MAPK6: variants seen among roughly 807,000 people sequenced by gnomAD.
MAPK6 encodes ERK-3.
Under a neutral mutation model 59.3 loss-of-function variants are expected in MAPK6, and 19 were observed. The observed-to-expected ratio is 0.32, with a 90% CI of 0.22 to 0.47. The LOEUF is 0.47. Ranked by LOEUF, MAPK6 falls within the 20% of genes least tolerant of loss-of-function variation. MAPK6 has a pLI of 1.00. For synonymous variants in MAPK6, 316 were observed against 290.3 expected (o/e 1.09, Z -0.90); for missense variants, 724 against 847.9 (o/e 0.85, Z 1.81).
At chr15:52,057,832 T>TC (rs2032042683) in intron 3 of MAPK6, among the ~76,000 whole-genome samples, 1 of 152,224 alleles carries the variant, frequency 6.6e-6, no homozygotes, top group African/African-American at 2.4e-5. Context: ...TAGCTTACTC[T>TC]CTTTTTCTTT....
At chr15:52,054,549 A>G (rs1319766769) in intron 3 of MAPK6, among the ~76,000 whole-genome samples, 12 of 152,180 alleles carry the variant, frequency 7.9e-5, no homozygotes, top group Non-Finnish European at 2.9e-5. Context: ...CAAAAGTTAC[A>G]TACTGTCAAC....
chr15:51,979,629 C>T (rs906602344), intron 1 of MAPK6, among the ~76,000 whole-genome samples: 19 of 151,480 alleles, frequency 1.3e-4, no homozygotes, highest in African/African-American at 1.9e-4. Flanking sequence ...CCCATCACTA[C>T]GAAAAATACT....
intron 2 of MAPK6, among the ~76,000 whole-genome samples, chr15:51,988,411 C>T (rs1375719015): frequency 6.6e-6 from 1 of 151,986 alleles, no homozygotes; most frequent in Non-Finnish European, 1.5e-5. Context: ...GCCACCATAA[C>T]AAATTACTGC....
intron 1 of MAPK6, among the ~76,000 whole-genome samples, chr15:52,025,468 T>C (rs1337983648): frequency 1.3e-5 from 2 of 152,194 alleles, no homozygotes; most frequent in Non-Finnish European, 2.9e-5. Context: ...GAGCAAGTAG[T>C]GCACTTGAGG....
intron 3 of MAPK6, among the ~76,000 whole-genome samples, chr15:52,008,909 T>C (rs2029980654): frequency 6.6e-6 from 1 of 152,146 alleles, no homozygotes; most frequent in Admixed American, 6.5e-5. Flanking sequence ...CTGGGGATGA[T>C]GACATCTTCT....
chr15:52,016,066 GC>G (rs1311049481), upstream of MAPK6, among the ~76,000 whole-genome samples: 1 of 44,338 alleles, frequency 2.3e-5, no homozygotes, highest in Non-Finnish European at 4.8e-5. Flanking sequence ...GCGCGCGCGC[GC>G]GCGCACACAC....
chr15:52,034,851 C>G (rs1040234708), intron 1 of MAPK6, among the ~76,000 whole-genome samples: 1 of 151,246 alleles, frequency 6.6e-6, no homozygotes, highest in Non-Finnish European at 1.5e-5. Flanking sequence ...GTGTGCACCA[C>G]CACGCCCGGC....
At chr15:52,027,656 T>G (rs2030855085) in intron 1 of MAPK6, 2 of 150,772 alleles carry the variant, frequency 1.3e-5, no homozygotes, top group South Asian at 4.2e-4. Flanking sequence ...CTCCCTGTGT[T>G]GCCCAGGCTG....
At chr15:51,973,701 G>A (rs1170505951) in intron 1 of MAPK6, among the ~76,000 whole-genome samples, 3 of 151,678 alleles carry the variant, frequency 2.0e-5, no homozygotes, top group South Asian at 2.1e-4. Flanking sequence ...TGCCCAGGCT[G>A]GAGTACAATG....
intron 1 of MAPK6, among the ~76,000 whole-genome samples, chr15:51,979,399 A>C (rs544142984): frequency 6.6e-6 from 1 of 151,922 alleles, no homozygotes; most frequent in East Asian, 1.9e-4. Flanking sequence ...ACTTAACACC[A>C]CACACTAATA....
rs1258990853 is a variant in MAPK6, at chr15:52,061,453, T to C, written c.1020T>C (p.Asp340=). Residue 340 remains aspartate (D), a synonymous_variant, in exon 5 of 6, where the codon GAT becomes GAC. Transcript: ENST00000261845. ...TTCATATTGAAGATGAAGTTGATGA[T>C]ATTTTGCTTATGGATGAAACTCACA... ...HPFHIEDEVD[D]ILLMDETHSH... 6.2e-7 allele frequency: 1 copy of C among 1,613,776 alleles called. No individual in the cohort carries two copies. The highest frequency in any genetic ancestry group is 8.5e-7 in the Non-Finnish European group (1 of 1,179,804).
At chr15:52,013,041 A>ATG (rs2030135611) in intron 3 of MAPK6, among the ~76,000 whole-genome samples, 1 of 114,978 alleles carries the variant, frequency 8.7e-6, no homozygotes, top group African/African-American at 3.8e-5. Context: ...ATATATATAT[A>ATG]TATATATATA....
At chr15:52,016,068 GCGCA>G (rs1555396597), upstream of MAPK6, among the ~76,000 whole-genome samples, 62 of 35,676 alleles carry the variant, frequency 1.7e-3, no homozygotes, top group Middle Eastern at 0.056. Flanking sequence ...GCGCGCGCGC[GCGCA>G]CACACACACA....
intron 2 of MAPK6, among the ~76,000 whole-genome samples, chr15:51,993,615 T>C (rs979450547): frequency 1.3e-5 from 2 of 152,076 alleles, no homozygotes; most frequent in Admixed American, 6.6e-5. Flanking sequence ...TAAATATAGA[T>C]GTAAATGTGT....
chr15:52,001,509 C>CTT (rs71130114), intron 2 of MAPK6, among the ~76,000 whole-genome samples: 9,784 of 127,976 alleles, frequency 0.076, 951 homozygotes, highest in African/African-American at 0.2. Flanking sequence ...CTTTTCCTTT[C>CTT]TTTTTTTTTT....
chr15:52,023,736 C>G (rs532456908), intron 1 of MAPK6, among the ~76,000 whole-genome samples: 65 of 152,324 alleles, frequency 4.3e-4, no homozygotes, highest in African/African-American at 1.5e-3. Context: ...TTCAGCCTCC[C>G]GAGTAGCTGG....
rs11295636 is a variant in MAPK6 at position 52,030,611 on chromosome 15, C to CTTTTTTTTT, written c.-632+11257_-632+11265dup. On this transcript the variant is annotated intron_variant, in intron 1 of 5. Transcript: ENST00000261845. The stretch of plus-strand genomic sequence containing the variant: ...TGTGTTTTAGTTATGCAGAAGAAGG[C>CTTTTTTTTT]TTTTTTTTTTTTTTTTTTTTTTTTT... Among the ~76,000 whole-genome samples, 33 of 35,744 alleles carry CTTTTTTTTT rather than the reference C, an allele frequency of 9.2e-4. 3 individuals carry two copies. The highest frequency in any genetic ancestry group is 6.8e-3 in the East Asian group (7 of 1,036). The allele number at this position is 35,744 out of a possible 152,430, so 23.4% of individuals were successfully genotyped here.
At chr15:51,972,532 C>T (rs531894080) in intron 1 of MAPK6, among the ~76,000 whole-genome samples, 9 of 79,684 alleles carry the variant, frequency 1.1e-4, no homozygotes, top group Non-Finnish European at 1.9e-4. Flanking sequence ...CTTTAAATGA[C>T]CATTTTTTTG....
At chr15:51,993,368 A>G (rs2057215465) in intron 2 of MAPK6, among the ~76,000 whole-genome samples, 1 of 152,192 alleles carries the variant, frequency 6.6e-6, no homozygotes, top group South Asian at 2.1e-4. Context: ...GGAACTGCAA[A>G]TGAAGATCAA....
Sources: gnomAD v4.1 joint callset for allele counts (sites outside exome capture counted in the v4.1 genomes callset) on GRCh38, gnomAD v4.1.1 for gene constraint, MANE v1.5 for transcripts, NCBI Gene and HGNC (gene_info 2026-07-23, HGNC 2026-07-21) for gene names.